RGS7: variants seen among roughly 807,000 people sequenced by gnomAD.
RGS7 encodes the protein regulator of G-protein signaling 7.
RGS7 carries 27 observed loss-of-function variants against 81.1 expected under a neutral mutation model. The ratio of observed to expected loss-of-function variants is 0.33; its 90% CI spans 0.25 to 0.46. The LOEUF (loss-of-function observed/expected upper bound fraction) is 0.46. RGS7 is among the 20% of genes least tolerant of loss of function. The pLI is 1.00. For missense variants in RGS7, 396 were observed against 607.4 expected (o/e 0.65, Z 3.66); for synonymous variants, 208 against 207.7 (o/e 1.00, Z -0.01).
chr1:241,200,846 C>G lies in RGS7; in HGVS notation c.79-102084G>C, dbSNP rs370041743. 1.2e-4 allele frequency among the ~76,000 whole-genome samples: 19 copies of G among 152,332 alleles called. No homozygotes were observed. In the East Asian group the frequency reaches 3.5e-3, roughly 28 times the overall value. On this transcript the variant is annotated intron_variant, in intron 2 of 18. Transcript: ENST00000440928. ...GTTTCTCATTAAATTTCTCACTGCA[C>G]TTTCTCATTCAATTCCTGGTTAGTT...
At chr1:241,039,010 T>A (rs773039775) in intron 3 of RGS7, among the ~76,000 whole-genome samples, 1 of 151,810 alleles carries the variant, frequency 6.6e-6, no homozygotes, top group Non-Finnish European at 1.5e-5. Context: ...GAAAAAAGAA[T>A]GAAAGTCAGG....
intron 6 of RGS7, among the ~76,000 whole-genome samples, chr1:240,887,095 G>A (rs535932048): frequency 2.6e-4 from 39 of 152,168 alleles, no homozygotes; most frequent in Middle Eastern, 3.4e-3. Flanking sequence ...AACTACAGAC[G>A]GAAAGTAATG....
At chr1:241,339,994 A>C (rs1357473589) in intron 2 of RGS7, among the ~76,000 whole-genome samples, 3 of 152,200 alleles carry the variant, frequency 2.0e-5, no homozygotes, top group African/African-American at 7.2e-5. Flanking sequence ...CAAGTAAATT[A>C]ATTTGTTTCT....
chr1:240,844,724 A>G (rs138146759), intron 9 of RGS7, among the ~76,000 whole-genome samples: 28 of 152,348 alleles, frequency 1.8e-4, no homozygotes, highest in African/African-American at 5.8e-4. Context: ...ATATTTTTCA[A>G]TCCAAAGGAA....
intron 2 of RGS7, among the ~76,000 whole-genome samples, chr1:241,317,466 C>T (rs2080949827): frequency 6.6e-6 from 1 of 152,096 alleles, no homozygotes; most frequent in South Asian, 2.1e-4. Flanking sequence ...AAGGACCTTA[C>T]CCTTACTTTC....
At chr1:241,342,520 G>T (rs74958624) in intron 2 of RGS7, among the ~76,000 whole-genome samples, 7 of 152,108 alleles carry the variant, frequency 4.6e-5, no homozygotes, top group African/African-American at 1.7e-4. Flanking sequence ...TTTCCTCAGC[G>T]GATAGTGAGC....
chr1:240,793,600 TATA>T (rs1686402900), intron 18 of RGS7, among the ~76,000 whole-genome samples: 2 of 105,100 alleles, frequency 1.9e-5, no homozygotes, highest in Admixed American at 8.4e-5. Flanking sequence ...TATATATATA[TATA>T]TATATATATT....
At position 241,323,389 on chromosome 1, in the gene RGS7, AG is replaced by A. The variant is rs1371314364; in HGVS notation, c.78+32309del. ...GCCTGTCAGCGCCTGTGGAGGCCTA[AG>A]AGGAGGAGGCTTACAACTGCAGTCT... On this transcript the variant is annotated intron_variant, in intron 2 of 18. Coordinates refer to ENST00000440928, the MANE Select transcript of RGS7 (RefSeq NM_001364886.1). 5.3e-5 allele frequency among the ~76,000 whole-genome samples: 8 copies of A among 152,350 alleles called. No individual in the cohort carries two copies. In the East Asian group the frequency reaches 1.4e-3, roughly 26 times the overall value.
chr1:240,910,510 T>C (rs1671571010), intron 6 of RGS7, among the ~76,000 whole-genome samples: 1 of 152,152 alleles, frequency 6.6e-6, no homozygotes, highest in Non-Finnish European at 1.5e-5. Context: ...GAGGAATAAA[T>C]TCTAGTGTTC....
intron 2 of RGS7, among the ~76,000 whole-genome samples, chr1:241,199,790 A>G (rs1207792491): frequency 6.6e-6 from 1 of 152,190 alleles, no homozygotes; most frequent in Non-Finnish European, 1.5e-5. Flanking sequence ...TTTAGCTGAC[A>G]ACTAGTCAGT....
intron 18 of RGS7, among the ~76,000 whole-genome samples, chr1:240,784,778 G>A (rs1281996378): frequency 6.6e-6 from 1 of 151,886 alleles, no homozygotes; most frequent in Non-Finnish European, 1.5e-5. Context: ...GACTGGGATG[G>A]ATATTCTTGA....
chr1:240,976,771 C>CTATCT (rs199972272), intron 4 of RGS7, among the ~76,000 whole-genome samples: 37 of 144,350 alleles, frequency 2.6e-4, no homozygotes, highest in Non-Finnish European at 4.8e-4. Context: ...ATCTATCTAT[C>CTATCT]ATCGATCTAT....
At chr1:241,312,209 A>AG (rs2080574450) in intron 2 of RGS7, among the ~76,000 whole-genome samples, 1 of 152,198 alleles carries the variant, frequency 6.6e-6, no homozygotes, top group African/African-American at 2.4e-5. Flanking sequence ...GCCCCATTCT[A>AG]GGCACTGGAG....
chr1:240,871,522 T>C (rs565707974), intron 6 of RGS7, among the ~76,000 whole-genome samples: 16 of 152,338 alleles, frequency 1.1e-4, no homozygotes, highest in African/African-American at 3.8e-4. Flanking sequence ...ACCCAGTATA[T>C]AGTATTAGAA....
intron 4 of RGS7, among the ~76,000 whole-genome samples, chr1:240,959,309 T>G (rs1212277065): frequency 6.6e-6 from 1 of 152,200 alleles, no homozygotes; most frequent in Non-Finnish European, 1.5e-5. Context: ...ATTTCATCAT[T>G]GTGCGAACTT....
chr1:240,779,146 ACT>A (rs1558236040), intron 18 of RGS7, among the ~76,000 whole-genome samples: 1 of 142,408 alleles, frequency 7.0e-6, no homozygotes. Context: ...TGACAGTCTC[ACT>A]CTGTTGCCCA....
chr1:241,033,122 G>A (rs1314545587), intron 3 of RGS7, among the ~76,000 whole-genome samples: 1 of 152,204 alleles, frequency 6.6e-6, no homozygotes, highest in Non-Finnish European at 1.5e-5. Flanking sequence ...TTGGAAGGCT[G>A]GACAGATCAT....
chr1:240,796,215 A>G (rs1286060076), intron 18 of RGS7, among the ~76,000 whole-genome samples: 1 of 152,256 alleles, frequency 6.6e-6, no homozygotes, highest in Non-Finnish European at 1.5e-5. Flanking sequence ...AATCTGCATA[A>G]GGCTGTATTA....
chr1:241,101,177 T>C (rs1006469157), intron 2 of RGS7, among the ~76,000 whole-genome samples: 3 of 152,210 alleles, frequency 2.0e-5, no homozygotes, highest in African/African-American at 7.2e-5. Flanking sequence ...GTTATAGTTC[T>C]CAGTTGGCTC....
Sources: allele counts gnomAD v4.1 joint callset (sites outside exome capture counted in the v4.1 genomes callset), GRCh38; gene constraint gnomAD v4.1.1; transcripts MANE v1.5; gene names NCBI Gene and HGNC (gene_info 2026-07-23, HGNC 2026-07-21).